Variants in DOCK3 observed in about 807,000 individuals in gnomAD.
DOCK3 encodes dedicator of cytokinesis protein 3.
A neutral mutation model predicts 265.6 loss-of-function variants in DOCK3; 60 were observed. The ratio of observed to expected loss-of-function variants is 0.23; its 90% CI spans 0.18 to 0.28. DOCK3 has a LOEUF of 0.28. Ranked by LOEUF, DOCK3 falls within the 10% of genes least tolerant of loss-of-function variation. The pLI is 1.00. For missense variants in DOCK3, 1,981 were observed against 2,594.3 expected (o/e 0.76, Z 5.14); for synonymous variants, 881 against 938.0 (o/e 0.94, Z 1.11).
intron 9 of DOCK3, among the ~76,000 whole-genome samples, chr3:51,144,860 A>G (rs980285898): frequency 3.3e-5 from 5 of 152,214 alleles, no homozygotes; most frequent in Admixed American, 1.3e-4. Flanking sequence ...GTACATGACC[A>G]GAGGCACAAA....
intron 1 of DOCK3, among the ~76,000 whole-genome samples, chr3:50,750,537 C>A (rs2039730190): frequency 6.6e-6 from 1 of 151,998 alleles, no homozygotes; most frequent in Non-Finnish European, 1.5e-5. Flanking sequence ...ACCATGTTGG[C>A]CAGGATGGTC....
chr3:50,694,989 T>TA (rs2035520979), intron 1 of DOCK3, among the ~76,000 whole-genome samples: 1 of 152,234 alleles, frequency 6.6e-6, no homozygotes, highest in South Asian at 2.1e-4. Flanking sequence ...GCCGAAAGGT[T>TA]AGCAGATTTA....
chr3:50,809,024 C>A (rs2043585497), intron 2 of DOCK3, among the ~76,000 whole-genome samples: 1 of 152,156 alleles, frequency 6.6e-6, no homozygotes, highest in Admixed American at 6.5e-5. Context: ...GCATAGGAAA[C>A]TATTCTTGAC....
chr3:51,247,462 A>C (rs888094562), intron 22 of DOCK3, among the ~76,000 whole-genome samples: 3 of 152,176 alleles, frequency 2.0e-5, no homozygotes, highest in South Asian at 4.1e-4. Context: ...TTCTGCTGTT[A>C]AAACAAACAA....
intron 27 of DOCK3, among the ~76,000 whole-genome samples, chr3:51,304,356 C>T (rs567738366): frequency 1.3e-5 from 2 of 152,090 alleles, no homozygotes; most frequent in South Asian, 2.1e-4. Context: ...GCCTGCTGCC[C>T]CTCTCCTGGG....
At chr3:50,810,375 AC>A (rs1202055825) in intron 2 of DOCK3, among the ~76,000 whole-genome samples, 4 of 152,002 alleles carry the variant, frequency 2.6e-5, no homozygotes, top group Non-Finnish European at 5.9e-5. Flanking sequence ...ACATGGTGAA[AC>A]CCTGTCTCTA....
chr3:50,696,925 GA>G (rs1465746913), intron 1 of DOCK3, among the ~76,000 whole-genome samples: 1 of 148,648 alleles, frequency 6.7e-6, no homozygotes, highest in African/African-American at 2.5e-5. Context: ...ACATAGCACT[GA>G]ATTTTTTTTT....
At chr3:51,157,796 C>CTTTTTT (rs11404204) in intron 10 of DOCK3, among the ~76,000 whole-genome samples, 2 of 129,668 alleles carry the variant, frequency 1.5e-5, no homozygotes, top group Non-Finnish European at 3.2e-5. Context: ...TTGATTGTAC[C>CTTTTTT]TTTTTTTTTT....
chr3:51,038,859 G>A (rs2080370644), intron 5 of DOCK3, among the ~76,000 whole-genome samples: 1 of 151,344 alleles, frequency 6.6e-6, no homozygotes, highest in Non-Finnish European at 1.5e-5. Context: ...GATAAGTACA[G>A]GCATGTATTC....
At chr3:51,165,707 A>C (rs570338815) in intron 12 of DOCK3, among the ~76,000 whole-genome samples, 2 of 152,296 alleles carry the variant, frequency 1.3e-5, no homozygotes, top group East Asian at 1.9e-4. Flanking sequence ...TTTGTCTTCC[A>C]TATCTGACTT....
chr3:50,960,543 A>G (rs1184982434), intron 5 of DOCK3, among the ~76,000 whole-genome samples: 1 of 151,616 alleles, frequency 6.6e-6, no homozygotes, highest in Non-Finnish European at 1.5e-5. Flanking sequence ...TTTTTCCATT[A>G]GGTTGTTTGT....
At chr3:50,905,555 T>C (rs1015146841) in intron 4 of DOCK3, among the ~76,000 whole-genome samples, 1 of 152,120 alleles carries the variant, frequency 6.6e-6, no homozygotes, top group Non-Finnish European at 1.5e-5. Context: ...ATGATTTGGC[T>C]CTCTGTTTGT....
chr3:51,109,373 A>T (rs1476377511), intron 9 of DOCK3, among the ~76,000 whole-genome samples: 1 of 152,206 alleles, frequency 6.6e-6, no homozygotes, highest in East Asian at 1.9e-4. Context: ...CAGCTAAGAC[A>T]GTGTTAAGAG....
At chr3:50,917,682 G>A (rs2050202474) in intron 4 of DOCK3, among the ~76,000 whole-genome samples, 1 of 151,636 alleles carries the variant, frequency 6.6e-6, no homozygotes, top group South Asian at 2.1e-4. Flanking sequence ...AATATTGTTT[G>A]TTTTCTATCT....
chr3:51,369,157 C>CCAGCTGCGAGG (rs2110466837), intron 49 of DOCK3, among the ~76,000 whole-genome samples: 1 of 152,360 alleles, frequency 6.6e-6, no homozygotes, highest in South Asian at 2.1e-4. Flanking sequence ...CGCAGCTCCT[C>CCAGCTGCGAGG]GCCAGCAATG....
intron 4 of DOCK3, among the ~76,000 whole-genome samples, chr3:50,900,146 C>T (rs976215345): frequency 5.9e-5 from 9 of 152,210 alleles, no homozygotes; most frequent in Middle Eastern, 3.4e-3. Context: ...TCACATAGTC[C>T]CATATTTCTT....
At chr3:51,286,332 A>C (rs2081402061) in intron 27 of DOCK3, among the ~76,000 whole-genome samples, 1 of 152,242 alleles carries the variant, frequency 6.6e-6, no homozygotes, top group Non-Finnish European at 1.5e-5. Context: ...AACAAATGGA[A>C]AAACATTCCA....
chr3:50,862,251 GA>G (rs1449137699), intron 3 of DOCK3, among the ~76,000 whole-genome samples: 1 of 152,216 alleles, frequency 6.6e-6, no homozygotes, highest in African/African-American at 2.4e-5. Flanking sequence ...AGCTTTCTCA[GA>G]TACTGTTTGT....
chr3:51,092,515 G>T (rs1339309891), intron 9 of DOCK3, among the ~76,000 whole-genome samples: 1 of 152,354 alleles, frequency 6.6e-6, no homozygotes, highest in African/African-American at 2.4e-5. Context: ...GCCCCAGTCA[G>T]GGACTTATAG....
Sources: allele counts gnomAD v4.1 joint callset (sites outside exome capture counted in the v4.1 genomes callset), GRCh38; gene constraint gnomAD v4.1.1; transcripts MANE v1.5; gene names NCBI Gene and HGNC (gene_info 2026-07-23, HGNC 2026-07-21).